The following RUNX3 variants were observed in gnomAD, a reference collection of about 807,000 sequenced individuals.
RUNX3 encodes the protein RUNX family transcription factor 3.
In RUNX3, 10 loss-of-function variants were observed where a neutral mutation model predicts 27.7. The ratio of observed to expected loss-of-function variants is 0.36; its 90% confidence interval spans 0.22 to 0.61. The LOEUF is 0.61. Ranked by LOEUF, RUNX3 falls within the 20% of genes least tolerant of loss-of-function variation. The pLI, the probability that RUNX3 is intolerant of heterozygous loss-of-function variation, is 0.72. For synonymous variants in RUNX3, 270 were observed against 269.2 expected (o/e 1.00, Z -0.03); for missense variants, 469 against 629.5 (o/e 0.75, Z 2.73).
chr1:24,946,703 T>C (rs998898009), intron 2 of RUNX3, among the ~76,000 whole-genome samples: 1 of 152,142 alleles, frequency 6.6e-6, no homozygotes, highest in Non-Finnish European at 1.5e-5. Context: ...GGACAGATTC[T>C]GGGACTGGGG....
chr1:24,913,471 A>T (rs1295739340), intron 3 of RUNX3, among the ~76,000 whole-genome samples: 1 of 152,252 alleles, frequency 6.6e-6, no homozygotes. Context: ...GAGGGTCAGG[A>T]AAGGTTTCAA....
rs751194423 is a variant in RUNX3, at chr1:24,902,557, G to A, written c.813C>T (p.Pro271=). The A allele has an allele frequency of 2.3e-5, 36 of 1,586,054 alleles. 1 individual carries two copies. The highest frequency in any genetic ancestry group is 1.9e-4 in the South Asian group (17 of 88,878). Residue 271 remains proline, a synonymous_variant, in exon 5 of 5, where the codon CCC becomes CCT. Transcript: ENST00000308873. This position sits in a 1 kb window ranked among gnomAD's most constrained non-coding sequence, Gnocchi z 9.2. ...SRFPDPRMHY[P]GAMSAAFPYS... is the part of the protein sequence containing the mutation. ...AGGGGAAGGCAGCTGACATGGCCCC[G>A]GGATAATGCATCCTGGGGTCTGGGA... is the stretch of plus-strand genomic sequence containing the variant.
Position 24,929,803 on chromosome 1 carries a change from G to T in RUNX3, c.66C>A (p.Cys22Ter). The T allele has an allele frequency of 7.0e-7, 1 of 1,421,632 alleles. No individual in the cohort carries two copies. Among genetic ancestry groups the T allele is most frequent in the Admixed American group, 3.2e-5 (1 of 30,902 alleles). 88.1% of individuals were successfully genotyped at this position (1,421,632 alleles called of 1,614,324 possible). The change falls in exon 1 of 5, where the codon TGC becomes TGA. Residue 22 changes from cysteine (C) to a stop codon, truncating the protein, a stop_gained. Transcript: ENST00000308873. LOFTEE classifies it high-confidence loss of function. The stretch of plus-strand genomic sequence containing the variant: ...CGCCCATCTTGCCGCCGCCGCCGCC[G>T]CAGGGGAAGGCCGGGGAGGGAGGTG... Reference protein sequence around the residue: ...RFTPPSPAFPCGGGGGKMGEN... With the variant: ...RFTPPSPAFP
chr1:24,953,194 G>A (rs942406960), intron 2 of RUNX3, among the ~76,000 whole-genome samples: 8 of 151,664 alleles, frequency 5.3e-5, no homozygotes, highest in Non-Finnish European at 7.4e-5. Flanking sequence ...GTGAAACCCC[G>A]TCTCTACTAA....
chr1:24,936,271 A>G (rs575264368), intron 2 of RUNX3, among the ~76,000 whole-genome samples: 1 of 152,276 alleles, frequency 6.6e-6, no homozygotes, highest in Admixed American at 6.5e-5. Context: ...TATCACTCCC[A>G]TTTTACAGGA....
chr1:24,964,734 TC>T (rs869169260), intron 1 of RUNX3: 28 of 1,445,672 alleles, frequency 1.9e-5, no homozygotes, highest in South Asian at 2.8e-5. Flanking sequence ...GTCTCTTTTT[TC>T]CCCCCTGCTG....
At position 24,943,674 on chromosome 1, in the gene RUNX3, G is replaced by C. The variant is rs764537684; in HGVS notation, c.59-13822C>G. Among the ~76,000 whole-genome samples the C allele has an allele frequency of 1.3e-5, 2 of 152,182 alleles. No individual in the cohort carries two copies. Among genetic ancestry groups the C allele is most frequent in the African/African-American group, 4.8e-5 (2 of 41,434 alleles). ...AACAGGTCTGGAGAGGGGATGTGAC[G>C]TGCTGGGGCCCAGGGGAGTCCAAAG... On this transcript the variant is annotated intron_variant, in intron 2 of 6. Transcript: ENST00000338888. The surrounding 1 kb of genome is among the most constrained non-coding windows in gnomAD (Gnocchi z 4.6).
rs1474733675 is a variant in RUNX3, at chr1:24,962,388, AG to A, written c.58+2125del. The A allele has an allele frequency of 6.6e-6, 1 of 152,194 alleles. No homozygotes were observed. The highest frequency in any genetic ancestry group is 1.5e-5 in the Non-Finnish European group (1 of 68,024). The allele number at this position is 152,194 out of a possible 1,614,324, so 9.4% of individuals were successfully genotyped here. ...ACCTGAAGGTTCCCTGAGACTGCCAAGGGTCGGTGGGTTAGGGACCCTGTAG... is the reference window on the plus strand; with the variant it reads ...ACCTGAAGGTTCCCTGAGACTGCCAAGGTCGGTGGGTTAGGGACCCTGTAG... On this transcript the variant is annotated intron_variant, in intron 2 of 6. Transcript: ENST00000338888. The surrounding 1 kb of genome is among the most constrained non-coding windows in gnomAD (Gnocchi z 4.5).
Position 24,902,768 on chromosome 1 carries a change from G to T in RUNX3, c.704-102C>A. On this transcript the variant is annotated intron_variant, in intron 4 of 4. Coordinates refer to ENST00000308873, the MANE Select transcript of RUNX3 (RefSeq NM_004350.3). The surrounding 1 kb of genome is among the most constrained non-coding windows in gnomAD (Gnocchi z 9.2). ...TCTGGTTCCCAAGGCCCATCTGGGG[G>T]ACCCCTAGTTCTAGACCTGGCTCTC... is the stretch of plus-strand genomic sequence containing the variant. The T allele has an allele frequency of 9.3e-7, 1 of 1,079,120 alleles. No individual in the cohort carries two copies. The highest frequency in any genetic ancestry group is 2.1e-5 in the South Asian group (1 of 46,892). The allele number at this position is 1,079,120 out of a possible 1,614,324, so 66.8% of individuals were successfully genotyped here.
rs372148201 is a variant in RUNX3 at position 24,923,500 on chromosome 1, G to A, written c.439+4074C>T. 8.5e-5 allele frequency among the ~76,000 whole-genome samples: 13 copies of A among 152,174 alleles called. No homozygotes were observed. Among genetic ancestry groups the A allele is most frequent in the African/African-American group, 2.9e-4 (12 of 41,422 alleles). Reference sequence around the variant, plus strand: ...AAGTGTAAACCCAGGCTCTCTGAGGGCTGGCCCTGGTTGCAGGGGAGAAGT... The same window carrying A: ...AAGTGTAAACCCAGGCTCTCTGAGGACTGGCCCTGGTTGCAGGGGAGAAGT... On this transcript the variant is annotated intron_variant, in intron 2 of 4. Coordinates refer to ENST00000308873, the MANE Select transcript of RUNX3 (RefSeq NM_004350.3). This position sits in a 1 kb window ranked among gnomAD's most constrained non-coding sequence, Gnocchi z 5.9.
At chr1:24,903,857 C>A (rs966671625) in intron 4 of RUNX3, among the ~76,000 whole-genome samples, 3 of 152,234 alleles carry the variant, frequency 2.0e-5, no homozygotes, top group Non-Finnish European at 4.4e-5. Flanking sequence ...AGTCACTTAA[C>A]CTCTCTGCGC....
rs563831278 is a variant in RUNX3 at position 24,930,265 on chromosome 1, G to A, written c.-397C>T. ...CCGCAGCCCCAGAACAAATCCTCCA[G>A]AATCAAGTGGCGGGGCCGCGGCCGC... On this transcript the variant is annotated 5_prime_UTR_variant, in exon 1 of 5. Coordinates refer to ENST00000308873, the MANE Select transcript of RUNX3 (RefSeq NM_004350.3). The surrounding 1 kb of genome is among the most constrained non-coding windows in gnomAD (Gnocchi z 4.1). 2,376 of 982,954 alleles carry A rather than the reference G, an allele frequency of 2.4e-3. 4 individuals carry two copies. Among genetic ancestry groups the A allele is most frequent in the Non-Finnish European group, 2.7e-3 (2,263 of 828,318 alleles). The allele number at this position is 982,954 out of a possible 1,614,324, so 60.9% of individuals were successfully genotyped here. A position where few individuals can be genotyped will look rare whatever the true frequency, so the allele number is the denominator to read the frequency against.
upstream of RUNX3, among the ~76,000 whole-genome samples, chr1:24,935,265 T>C (rs937906520): frequency 1.1e-4 from 17 of 152,226 alleles, no homozygotes; most frequent in African/African-American, 3.6e-4. Context: ...CGTGTTTCCC[T>C]CTGGGCCTCA....
In RUNX3 at chr1:24,907,332, C is replaced by T. The variant is rs545717713; in HGVS notation, c.630G>A (p.Pro210=). Reference sequence around the variant, plus strand: ...GTGAGCCTCGGGGGCTGGGTGTGCTCGGTGTCACCCGCATGCGCAGCCGTT... The same window carrying T: ...GTGAGCCTCGGGGGCTGGGTGTGCTTGGTGTCACCCGCATGCGCAGCCGTT... The part of the protein sequence containing the change: ...DLERLRMRVT[P]STPSPRGSLS... Residue 210 remains proline (P), a synonymous_variant, in exon 4 of 5, where the codon CCG becomes CCA. Coordinates refer to ENST00000308873, the MANE Select transcript of RUNX3 (RefSeq NM_004350.3). The T allele has an allele frequency of 3.3e-5, 54 of 1,613,498 alleles. 1 individual carries two copies. The highest frequency in any genetic ancestry group is 3.3e-4 in the Middle Eastern group (2 of 6,018).
At chr1:24,937,016 T>C (rs1287570796) in intron 2 of RUNX3, among the ~76,000 whole-genome samples, 1 of 152,228 alleles carries the variant, frequency 6.6e-6, no homozygotes, top group Non-Finnish European at 1.5e-5. Context: ...GAGATACAAA[T>C]GGGCATACGG....
upstream of RUNX3, chr1:24,930,284 C>CG (rs1571326283): frequency 2.0e-6 from 2 of 977,418 alleles, no homozygotes. This position sits in a 1 kb window ranked among gnomAD's most constrained non-coding sequence, Gnocchi z 4.1. Flanking sequence ...GGCGGGGCCG[C>CG]GGCCGCCCGC....
At chr1:24,932,406 C>T (rs1445159678), upstream of RUNX3, among the ~76,000 whole-genome samples, 1 of 151,876 alleles carries the variant, frequency 6.6e-6, no homozygotes, top group Non-Finnish European at 1.5e-5. Context: ...GTGGCGGGAG[C>T]CGCCGCTAGT....
chr1:24,934,412 A>G (rs1641299449), upstream of RUNX3, among the ~76,000 whole-genome samples: 1 of 152,082 alleles, frequency 6.6e-6, no homozygotes, highest in South Asian at 2.1e-4. Context: ...GAGGGGAGGG[A>G]GAAGGAGCAA....
chr1:24,946,066 A>C (rs1009559467), intron 2 of RUNX3, among the ~76,000 whole-genome samples: 1 of 152,188 alleles, frequency 6.6e-6, no homozygotes, highest in African/African-American at 2.4e-5. Flanking sequence ...TGAATGAATG[A>C]ATGAGTGAGT....
Sources: allele counts gnomAD v4.1 joint callset (sites outside exome capture counted in the v4.1 genomes callset), GRCh38; gene constraint gnomAD v4.1.1; non-coding constraint Gnocchi (gnomAD v3.1); transcripts MANE v1.5; gene names NCBI Gene and HGNC (gene_info 2026-07-23, HGNC 2026-07-21).